The following RERE variants were observed in gnomAD, a reference collection of about 807,000 sequenced individuals.
The protein encoded by RERE is arginine-glutamic acid dipeptide repeats.
A neutral mutation model predicts 146.1 loss-of-function variants in RERE; 40 were observed. That is an observed-to-expected ratio of 0.27 (90% confidence interval 0.21 to 0.36). The LOEUF (loss-of-function observed/expected upper bound fraction) is 0.36. Ranked by LOEUF, RERE falls within the 10% of genes least tolerant of loss-of-function variation. The pLI, the probability that RERE is intolerant of heterozygous loss-of-function variation, is 1.00. For missense variants in RERE, 1,933 were observed against 2,138.7 expected (o/e 0.90, Z 1.90); for synonymous variants, 1,003 against 866.0 (o/e 1.16, Z -2.78).
At chr1:8,809,150 A>AT (rs1456437825) in intron 1 of RERE, among the ~76,000 whole-genome samples, 1 of 150,998 alleles carries the variant, frequency 6.6e-6, no homozygotes, top group African/African-American at 2.4e-5. Context: ...AAAAAAAAAA[A>AT]AAAAAAAAAA....
intron 11 of RERE, among the ~76,000 whole-genome samples, chr1:8,438,349 T>C (rs1467629966): frequency 6.6e-6 from 1 of 152,190 alleles, no homozygotes; most frequent in Admixed American, 6.5e-5. Flanking sequence ...AAAAGATGTA[T>C]ATACATACGA....
At chr1:8,584,008 C>CA (rs1646398366) in intron 4 of RERE, among the ~76,000 whole-genome samples, 1 of 151,896 alleles carries the variant, frequency 6.6e-6, no homozygotes, top group South Asian at 2.1e-4. Context: ...TGTACTACTT[C>CA]AAAACATGCT....
intron 6 of RERE, among the ~76,000 whole-genome samples, chr1:8,554,672 C>G (rs1004541505): frequency 2.5e-4 from 23 of 92,326 alleles, no homozygotes; most frequent in Non-Finnish European, 4.1e-4. Flanking sequence ...GAGCGAGATC[C>G]TGTCTCAAAA....
At chr1:8,399,892 A>T (rs1643189278) in intron 12 of RERE, among the ~76,000 whole-genome samples, 2 of 151,586 alleles carry the variant, frequency 1.3e-5, no homozygotes, top group African/African-American at 4.8e-5. Flanking sequence ...AGCCACTGTG[A>T]ACAGCATTTT....
chr1:8,610,578 G>A (rs1255676682), intron 4 of RERE, among the ~76,000 whole-genome samples: 1 of 152,030 alleles, frequency 6.6e-6, no homozygotes, highest in Non-Finnish European at 1.5e-5. Context: ...CTGGGCGACA[G>A]AGCAAGACTC....
intron 4 of RERE, among the ~76,000 whole-genome samples, chr1:8,607,541 T>C (rs1187986384): frequency 1.6e-4 from 10 of 61,050 alleles, no homozygotes; most frequent in African/African-American, 4.6e-4. Flanking sequence ...TTTCTTTTTT[T>C]TTTTTTTTTT....
At chr1:8,436,243 C>T (rs1470878869) in intron 11 of RERE, among the ~76,000 whole-genome samples, 2 of 152,106 alleles carry the variant, frequency 1.3e-5, no homozygotes, top group Non-Finnish European at 1.5e-5. Flanking sequence ...TGCTTGAACC[C>T]GGGAGACAGA....
intron 1 of RERE, among the ~76,000 whole-genome samples, chr1:8,725,506 CA>C (rs1291110066): frequency 6.6e-6 from 1 of 152,252 alleles, no homozygotes; most frequent in African/African-American, 2.4e-5. Flanking sequence ...GCAGAGGTTG[CA>C]GTAAGCCGAC....
chr1:8,426,445 G>A (rs1644014235), intron 11 of RERE, among the ~76,000 whole-genome samples: 1 of 99,892 alleles, frequency 1.0e-5, no homozygotes, highest in African/African-American at 4.6e-5. Flanking sequence ...CAGAGACTCT[G>A]TCTCAAAAAA....
intron 17 of RERE, 27 bp from the exon 18 acceptor site, chr1:8,361,517 A>C (rs758544677): frequency 1.2e-6 from 2 of 1,605,900 alleles, no homozygotes; most frequent in South Asian, 2.2e-5. Context: ...GAAGGATGGA[A>C]GTCCCAGGAG....
At chr1:8,580,775 T>C (rs1646354743) in intron 4 of RERE, among the ~76,000 whole-genome samples, 1 of 151,370 alleles carries the variant, frequency 6.6e-6, no homozygotes, top group Admixed American at 6.6e-5. Flanking sequence ...CAGTGTGGTG[T>C]GATCTCGGCT....
intron 4 of RERE, among the ~76,000 whole-genome samples, chr1:8,577,742 C>T (rs191988667): frequency 1.3e-5 from 2 of 152,294 alleles, no homozygotes; most frequent in East Asian, 3.9e-4. Flanking sequence ...ATCAAAATAG[C>T]TTATCACTAC....
chr1:8,397,395 T>C (rs1480032645), intron 12 of RERE, among the ~76,000 whole-genome samples: 1 of 145,460 alleles, frequency 6.9e-6, no homozygotes, highest in African/African-American at 2.9e-5. Flanking sequence ...CCCATTTCAT[T>C]ACTGAGGAAC....
intron 1 of RERE, among the ~76,000 whole-genome samples, chr1:8,706,677 TC>T: frequency 6.6e-6 from 1 of 152,206 alleles, no homozygotes; most frequent in Non-Finnish European, 1.5e-5. Context: ...CATTCTTACC[TC>T]CCTTTTACAC....
intron 1 of RERE, among the ~76,000 whole-genome samples, chr1:8,729,984 C>T (rs1308877286): frequency 1.3e-5 from 2 of 152,150 alleles, no homozygotes; most frequent in Admixed American, 1.3e-4. Context: ...TACTATTTCA[C>T]TCACATCAAT....
chr1:8,711,241 A>C (rs1445921778), intron 1 of RERE, among the ~76,000 whole-genome samples: 2 of 151,522 alleles, frequency 1.3e-5, no homozygotes, highest in African/African-American at 4.8e-5. Context: ...GAAATACATT[A>C]TCAGCATTAT....
At chr1:8,687,034 G>A (rs1639104291) in intron 1 of RERE, among the ~76,000 whole-genome samples, 1 of 152,180 alleles carries the variant, frequency 6.6e-6, no homozygotes, top group Non-Finnish European at 1.5e-5. Flanking sequence ...GAAAACTCTT[G>A]TTGAGAAGTT....
intron 4 of RERE, among the ~76,000 whole-genome samples, chr1:8,578,655 GCAT>G (rs779221170): frequency 1.2e-4 from 19 of 152,054 alleles, no homozygotes; most frequent in Non-Finnish European, 2.2e-4. Flanking sequence ...GCAGTGGAAG[GCAT>G]CACATGGTTT....
intron 4 of RERE, among the ~76,000 whole-genome samples, chr1:8,610,128 T>G (rs1200360487): frequency 6.6e-6 from 1 of 152,216 alleles, no homozygotes; most frequent in Non-Finnish European, 1.5e-5. Context: ...TCTTAACTTT[T>G]AAATTATTTT....
Sources: gnomAD v4.1 joint callset for allele counts (sites outside exome capture counted in the v4.1 genomes callset) on GRCh38, gnomAD v4.1.1 for gene constraint, MANE v1.5 for transcripts, NCBI Gene and HGNC (gene_info 2026-07-23, HGNC 2026-07-21) for gene names.